The following TXNRD1 variants were observed in gnomAD, a reference collection of about 807,000 sequenced individuals.
TXNRD1 encodes thioredoxin reductase 1.
A neutral mutation model predicts 80.3 loss-of-function variants in TXNRD1; 57 were observed. The observed-to-expected ratio is 0.71, with a 90% CI of 0.57 to 0.89. The LOEUF (loss-of-function observed/expected upper bound fraction) is 0.89. TXNRD1 is among the 40% of genes least tolerant of loss of function. TXNRD1 has a pLI of 0.00. For synonymous variants in TXNRD1, 291 were observed against 285.2 expected (o/e 1.02, Z -0.20); for missense variants, 730 against 803.0 (o/e 0.91, Z 1.10).
Position 104,265,559 on chromosome 12 carries a change from A to G in TXNRD1, c.304+7480A>G, listed in dbSNP as rs1323641170. On this transcript the variant is annotated intron_variant, in intron 3 of 16. Transcript: ENST00000525566. ...AAGAACTTCAGGATCTGGCTGCGCT[A>G]TGACTCCCGGAGCGGCACCCACAAC... The G allele has an allele frequency of 5.2e-5, 84 of 1,608,744 alleles. 1 individual carries two copies. Among genetic ancestry groups the G allele is most frequent in the Non-Finnish European group, 6.6e-5 (78 of 1,179,322 alleles).
chr12:104,267,653 C>CCTTCTTTCTTTCTTTCTTTCTTTG (rs1565870015), intron 3 of TXNRD1, among the ~76,000 whole-genome samples: 1 of 27,336 alleles, frequency 3.7e-5, no homozygotes, highest in African/African-American at 1.4e-4. Flanking sequence ...TGGTATCTTT[C>CCTTCTTTCTTTCTTTCTTTCTTTG]TTTCTTTCTT....
chr12:104,290,898 ACT>A (rs1436525840), intron 4 of TXNRD1: 1 of 548,498 alleles, frequency 1.8e-6, no homozygotes, highest in African/African-American at 2.0e-5. Flanking sequence ...AAAAAGAGTC[ACT>A]CTTTTTATAA....
rs147248073 is a variant in TXNRD1, at chr12:104,259,640, C to T, written c.304+1561C>T. 5.3e-5 allele frequency among the ~76,000 whole-genome samples: 8 copies of T among 151,886 alleles called. No homozygotes were observed. In the South Asian group the frequency reaches 8.3e-4, roughly 16 times the overall value. ...CTGAGTAGCTGAGATTACAGGCATG[C>T]ACCACTACGCCTGGCTAATTTTGTA... On this transcript the variant is annotated intron_variant, in intron 3 of 16. Transcript: ENST00000525566.
chr12:104,316,043 T>G (rs1408157606), intron 7 of TXNRD1, 147 bp downstream of exon 7: 6 of 839,244 alleles, frequency 7.1e-6, no homozygotes, highest in African/African-American at 1.7e-5. Flanking sequence ...TCACTGGAGT[T>G]ATCCTTTGTC....
chr12:104,227,627 C>T (rs2032502516), intron 1 of TXNRD1, among the ~76,000 whole-genome samples: 2 of 152,116 alleles, frequency 1.3e-5, no homozygotes, highest in African/African-American at 2.4e-5. Flanking sequence ...ATAACAGTTC[C>T]GTTACCCCAC....
intron 3 of TXNRD1, among the ~76,000 whole-genome samples, chr12:104,263,153 T>C (rs534863035): frequency 6.6e-6 from 1 of 152,158 alleles, no homozygotes; most frequent in Non-Finnish European, 1.5e-5. Flanking sequence ...ATACATGCTA[T>C]CCTCCTTGTG....
intron 4 of TXNRD1, chr12:104,304,515 AG>A: frequency 5.6e-6 from 9 of 1,614,052 alleles, no homozygotes; most frequent in Non-Finnish European, 7.6e-6. Flanking sequence ...AAAGTTCGCA[AG>A]ATGGAAGAAA....
chr12:104,314,451 T>A (rs944721640), intron 6 of TXNRD1, among the ~76,000 whole-genome samples: 2 of 152,166 alleles, frequency 1.3e-5, no homozygotes, highest in African/African-American at 4.8e-5. Flanking sequence ...ACTAGGTATA[T>A]CCCTTCTGAC....
At chr12:104,255,573 C>A (rs892876235) in intron 2 of TXNRD1, among the ~76,000 whole-genome samples, 1 of 152,058 alleles carries the variant, frequency 6.6e-6, no homozygotes, top group Non-Finnish European at 1.5e-5. Context: ...CCGAGGCGGG[C>A]GGATCACCTG....
At chr12:104,337,375 T>TA (rs1184761928) in intron 15 of TXNRD1, among the ~76,000 whole-genome samples, 1 of 151,984 alleles carries the variant, frequency 6.6e-6, no homozygotes, top group Non-Finnish European at 1.5e-5. Flanking sequence ...CCTCATCTGT[T>TA]ATGACGAGAT....
In TXNRD1 at chr12:104,228,663, A is replaced by C. The variant is rs541517794; in HGVS notation, c.91+12770A>C. Among the ~76,000 whole-genome samples, 9 of 152,276 alleles carry C rather than the reference A, an allele frequency of 5.9e-5. No homozygotes were observed. In the East Asian group the frequency reaches 1.7e-3, roughly 29 times the overall value. ...AAGTGGGGGCGGCAGGGGAATAACC[A>C]TTTAAAAGTGCACAGTTTAGAGTGC... On this transcript the variant is annotated intron_variant, in intron 1 of 16. Transcript: ENST00000525566.
intron 4 of TXNRD1, among the ~76,000 whole-genome samples, chr12:104,305,560 A>G (rs1380541514): frequency 1.3e-5 from 2 of 152,236 alleles, no homozygotes; most frequent in Admixed American, 1.3e-4. Context: ...ACGAAGAAGG[A>G]AAAGGCATTC....
Position 104,215,995 on chromosome 12 carries a change from C to G in TXNRD1, c.91+102C>G, listed in dbSNP as rs536306365. 3 of 1,002,006 alleles carry G rather than the reference C, an allele frequency of 3.0e-6. No homozygotes were observed. In the Admixed American group the frequency reaches 7.3e-5, roughly 24 times the overall value. The allele number at this position is 1,002,006 out of a possible 1,614,324, so 62.1% of individuals were successfully genotyped here. A position where few individuals can be genotyped will look rare whatever the true frequency, so the allele number is the denominator to read the frequency against. Reference sequence around the variant, plus strand: ...TGCCCCGGAGCCCTGGCCTTGAAGCCCCTCACTGGAGTCAGTGACTGACCG... The same window carrying G: ...TGCCCCGGAGCCCTGGCCTTGAAGCGCCTCACTGGAGTCAGTGACTGACCG... On this transcript the variant is annotated intron_variant, in intron 1 of 16. Coordinates refer to ENST00000525566, the MANE Select transcript of TXNRD1 (RefSeq NM_001093771.3).
chr12:104,251,651 T>C lies in TXNRD1; in HGVS notation c.216T>C (p.Ser72=). The C allele has an allele frequency of 6.2e-7, 1 of 1,613,962 alleles. No individual in the cohort carries two copies. Residue 72 remains serine, a synonymous_variant, in exon 2 of 17, where the codon AGT becomes AGC. Coordinates refer to ENST00000525566, the MANE Select transcript of TXNRD1 (RefSeq NM_001093771.3). Reference sequence around the variant, plus strand: ...ATGGTCACTCTGTGGTCATCTTCAGTAGGTCCACATGCACACGCTGTACTG... The same window carrying C: ...ATGGTCACTCTGTGGTCATCTTCAGCAGGTCCACATGCACACGCTGTACTG... ...YIDGHSVVIF[S]RSTCTRCTEV...
chr12:104,261,233 G>A (rs1013696022), intron 3 of TXNRD1, among the ~76,000 whole-genome samples: 1 of 151,830 alleles, frequency 6.6e-6, no homozygotes, highest in African/African-American at 2.4e-5. Flanking sequence ...GCACGATCTG[G>A]GCTTGCCACA....
At chr12:104,269,140 G>A (rs1385050573) in intron 3 of TXNRD1, among the ~76,000 whole-genome samples, 1 of 151,454 alleles carries the variant, frequency 6.6e-6, no homozygotes, top group Non-Finnish European at 1.5e-5. Context: ...CCTGACCTGA[G>A]GTAATCTGGC....
intron 2 of TXNRD1, among the ~76,000 whole-genome samples, chr12:104,256,786 A>AG (rs1230383006): frequency 1.3e-5 from 2 of 149,454 alleles, no homozygotes; most frequent in Admixed American, 6.7e-5. Flanking sequence ...CAAAAAAAAA[A>AG]AAAAAGAAAA....
Position 104,350,002 on chromosome 12 carries a change from T to G in TXNRD1, c.*1581T>G, listed in dbSNP as rs2036597482. Reference sequence around the variant, plus strand: ...GTTGACCATATTCAGTTTTATTTATTTATTTTTAATTTGTTTTTTTCTCCA... The same window carrying G: ...GTTGACCATATTCAGTTTTATTTATGTATTTTTAATTTGTTTTTTTCTCCA... On this transcript the variant is annotated 3_prime_UTR_variant, in exon 17 of 17. Transcript: ENST00000525566. 6.6e-6 allele frequency: 1 copy of G among 152,262 alleles called. No homozygotes were observed. Among genetic ancestry groups the G allele is most frequent in the South Asian group, 2.1e-4 (1 of 4,830 alleles). 9.4% of individuals were successfully genotyped at this position (152,262 alleles called of 1,614,324 possible).
At chr12:104,313,445 A>C in intron 6 of TXNRD1, 128 bp downstream of exon 6, 1 of 655,954 alleles carries the variant, frequency 1.5e-6, no homozygotes, top group South Asian at 2.4e-5. Context: ...GCCCCAAAAC[A>C]TATATATCTT....
Sources: gnomAD v4.1 joint callset for allele counts (sites outside exome capture counted in the v4.1 genomes callset) on GRCh38, gnomAD v4.1.1 for gene constraint, MANE v1.5 for transcripts, NCBI Gene and HGNC (gene_info 2026-07-23, HGNC 2026-07-21) for gene names.